PPM1L: variants seen among roughly 807,000 people sequenced by gnomAD.
The protein encoded by PPM1L is protein phosphatase 1L.
A neutral mutation model predicts 31.4 loss-of-function variants in PPM1L; 13 were observed. The observed-to-expected ratio is 0.41, with a 90% confidence interval of 0.27 to 0.66. The LOEUF (loss-of-function observed/expected upper bound fraction) is 0.66, where lower values mean the gene tolerates loss of function less well. Among genes scored for constraint, PPM1L ranks in the 30% least tolerant of loss-of-function variants. The probability of loss-of-function intolerance (pLI) is 0.29; values close to 1 mark genes in which losing one functional copy is unlikely to be tolerated. For synonymous variants in PPM1L, 184 were observed against 175.4 expected (o/e 1.05, Z -0.39); for missense variants, 326 against 453.7 (o/e 0.72, Z 2.56).
intron 2 of PPM1L, among the ~76,000 whole-genome samples, chr3:160,976,795 T>C (rs1716601372): frequency 6.6e-6 from 1 of 152,208 alleles, no homozygotes; most frequent in South Asian, 2.1e-4. Context: ...TAGCGGTCTA[T>C]CAGTTTTGTT....
chr3:160,944,053 C>T (rs1715245555), intron 1 of PPM1L, among the ~76,000 whole-genome samples: 2 of 152,042 alleles, frequency 1.3e-5, no homozygotes, highest in Non-Finnish European at 1.5e-5. Context: ...GTGGATCATC[C>T]TTGTTTATGG....
At chr3:160,872,914 G>A (rs1712364672) in intron 1 of PPM1L, among the ~76,000 whole-genome samples, 1 of 152,108 alleles carries the variant, frequency 6.6e-6, no homozygotes, top group African/African-American at 2.4e-5. Context: ...GCGGCACAGC[G>A]GGACTCTGTC....
At chr3:161,017,771 G>C (rs998415428) in intron 2 of PPM1L, among the ~76,000 whole-genome samples, 6 of 152,082 alleles carry the variant, frequency 3.9e-5, no homozygotes, top group Non-Finnish European at 8.8e-5. Context: ...TGCTGCTAAG[G>C]TTTCCACTAC....
intron 2 of PPM1L, among the ~76,000 whole-genome samples, chr3:160,983,611 C>T (rs6808966): frequency 1.3e-3 from 191 of 152,282 alleles, no homozygotes; most frequent in African/African-American, 4.4e-3. Context: ...CAGCATTTTC[C>T]TATATCTACA....
intron 1 of PPM1L, among the ~76,000 whole-genome samples, chr3:160,872,283 T>G (rs1712335659): frequency 6.6e-6 from 1 of 152,212 alleles, no homozygotes; most frequent in Non-Finnish European, 1.5e-5. Flanking sequence ...AATTCTTAGG[T>G]ATCATTGACC....
intron 1 of PPM1L, among the ~76,000 whole-genome samples, chr3:160,895,354 A>G (rs184895584): frequency 4.0e-5 from 6 of 151,762 alleles, no homozygotes; most frequent in Admixed American, 3.3e-4. Context: ...CTGGGACTAC[A>G]GGTGTGCACC....
chr3:161,016,677 A>G (rs1718096040), intron 2 of PPM1L, among the ~76,000 whole-genome samples: 1 of 152,202 alleles, frequency 6.6e-6, no homozygotes, highest in African/African-American at 2.4e-5. Flanking sequence ...ATATATTTTG[A>G]TAGGAGAGGT....
intron 1 of PPM1L, among the ~76,000 whole-genome samples, chr3:160,886,366 A>C (rs2108042018): frequency 6.6e-6 from 1 of 152,322 alleles, no homozygotes; most frequent in East Asian, 1.9e-4. Flanking sequence ...GTGCTTCGTT[A>C]AATGGGTCCT....
intron 2 of PPM1L, among the ~76,000 whole-genome samples, chr3:161,063,937 C>T (rs1328473880): frequency 1.3e-5 from 2 of 152,130 alleles, no homozygotes; most frequent in African/African-American, 4.8e-5. Flanking sequence ...CCAAACACCA[C>T]ATGTTCTCAC....
chr3:160,964,712 G>A (rs1868109), intron 2 of PPM1L, among the ~76,000 whole-genome samples: 54,663 of 151,690 alleles, frequency 0.36, 10,381 homozygotes, highest in East Asian at 0.65. Context: ...TAAAACACCC[G>A]CTCTGAGCTC....
intron 1 of PPM1L, among the ~76,000 whole-genome samples, chr3:160,931,408 C>T (rs2108079452): frequency 6.6e-6 from 1 of 152,356 alleles, no homozygotes; most frequent in Admixed American, 6.5e-5. Flanking sequence ...CCATTTAGTT[C>T]ATTCAGCAAT....
intron 1 of PPM1L, among the ~76,000 whole-genome samples, chr3:160,808,289 CTG>C (rs10545216): frequency 0.19 from 25,405 of 135,420 alleles, 3,421 homozygotes; most frequent in African/African-American, 0.4. Flanking sequence ...GGATTTTCCT[CTG>C]TGTGTGTGTG....
intron 1 of PPM1L, among the ~76,000 whole-genome samples, chr3:160,843,423 CTTTT>C (rs1456065518): frequency 3.9e-4 from 11 of 28,540 alleles, no homozygotes; most frequent in African/African-American, 1.0e-3. Context: ...TATGGCAATT[CTTTT>C]ATATATATAT....
intron 1 of PPM1L, among the ~76,000 whole-genome samples, chr3:160,763,709 G>T (rs1168368179): frequency 6.6e-6 from 1 of 152,182 alleles, no homozygotes; most frequent in African/African-American, 2.4e-5. Flanking sequence ...TAGTAATCCT[G>T]TTCCTCCAAA....
At chr3:160,919,832 G>C (rs1560151515) in intron 1 of PPM1L, among the ~76,000 whole-genome samples, 1 of 152,290 alleles carries the variant, frequency 6.6e-6, no homozygotes, top group East Asian at 1.9e-4. Context: ...GAATTGCTCT[G>C]TGAAACCTGG....
intron 1 of PPM1L, among the ~76,000 whole-genome samples, chr3:160,790,588 G>A (rs919880104): frequency 6.6e-6 from 1 of 152,050 alleles, no homozygotes; most frequent in African/African-American, 2.4e-5. Context: ...GGGACAGGAG[G>A]GAGAGCCTGT....
Position 160,983,191 on chromosome 3 carries a change from G to C in PPM1L, c.574+21281G>C, listed in dbSNP as rs1234843044. ...TTGCATTTTAAAATCACACCTGAAA[G>C]TGTTATGAGCCTGATATAATTGCAT... is the stretch of plus-strand genomic sequence containing the variant. On this transcript the variant is annotated intron_variant, in intron 2 of 3. Coordinates refer to ENST00000498165, the MANE Select transcript of PPM1L (RefSeq NM_139245.4). Among the ~76,000 whole-genome samples the C allele has an allele frequency of 2.0e-5, 3 of 152,168 alleles. No homozygotes were observed. In the East Asian group the frequency reaches 5.8e-4, roughly 29 times the overall value.
At chr3:160,757,560 G>T (rs1021767412) in intron 1 of PPM1L, among the ~76,000 whole-genome samples, 1 of 152,266 alleles carries the variant, frequency 6.6e-6, no homozygotes, top group South Asian at 2.1e-4. Flanking sequence ...CTGAGGCCCA[G>T]GTTTCCTGGA....
intron 1 of PPM1L, among the ~76,000 whole-genome samples, chr3:160,795,452 C>G (rs978888259): frequency 2.0e-5 from 3 of 152,110 alleles, no homozygotes; most frequent in Non-Finnish European, 4.4e-5. Flanking sequence ...TGCCAAGTAC[C>G]CTGCTGGGGG....
Sources: gnomAD v4.1 joint callset for allele counts (sites outside exome capture counted in the v4.1 genomes callset) on GRCh38, gnomAD v4.1.1 for gene constraint, MANE v1.5 for transcripts, NCBI Gene and HGNC (gene_info 2026-07-23, HGNC 2026-07-21) for gene names.